SLC5A11: variants seen among roughly 807,000 people sequenced by gnomAD.
SLC5A11 encodes sodium/myo-inositol cotransporter 2.
Under a neutral mutation model 69.8 loss-of-function variants are expected in SLC5A11, and 48 were observed. The ratio of observed to expected loss-of-function variants is 0.69; its 90% CI spans 0.55 to 0.87. The LOEUF (loss-of-function observed/expected upper bound fraction) is 0.87. Among genes scored for constraint, SLC5A11 ranks in the 40% least tolerant of loss-of-function variants. The pLI, the probability that SLC5A11 is intolerant of heterozygous loss-of-function variation, is 0.00. For missense variants in SLC5A11, 784 were observed against 866.1 expected (o/e 0.91, Z 1.19); for synonymous variants, 319 against 342.4 (o/e 0.93, Z 0.75).
chr16:24,891,412 T>C lies in SLC5A11; in HGVS notation c.870+338T>C, dbSNP rs1383536031. Among the ~76,000 whole-genome samples the C allele has an allele frequency of 4.7e-5, 7 of 148,122 alleles. No individual in the cohort carries two copies. The Admixed American group carries it at 4.9e-4, about 10-fold the overall frequency. On this transcript the variant is annotated intron_variant, in intron 9 of 15. Transcript: ENST00000347898. Reference sequence around the variant, plus strand: ...TCACAGCAGCCTTCATCTCCTGGGCTCAAGAGATCCTCCCATGTCAGCCTC... The same window carrying C: ...TCACAGCAGCCTTCATCTCCTGGGCCCAAGAGATCCTCCCATGTCAGCCTC...
chr16:24,849,593 A>AAAAAAAAAAAAAATATATATAT, intron 1 of SLC5A11, among the ~76,000 whole-genome samples: 1 of 35,910 alleles, frequency 2.8e-5, no homozygotes, highest in Non-Finnish European at 5.6e-5. Flanking sequence ...AAAAAAAAAA[A>AAAAAAAAAAAAAATATATATAT]ATATATATAT....
At chr16:24,906,815 G>A in intron 11 of SLC5A11, 51 bp downstream of exon 12, 5 of 1,515,570 alleles carry the variant, frequency 3.3e-6, no homozygotes, top group Non-Finnish European at 4.5e-6. Context: ...CCAGAAAGGA[G>A]ATCACCGGAT....
At chr16:24,891,745 C>T (rs1016860283) in intron 9 of SLC5A11, among the ~76,000 whole-genome samples, 1 of 152,116 alleles carries the variant, frequency 6.6e-6, no homozygotes, top group African/African-American at 2.4e-5. Context: ...GTGTCCTCTA[C>T]GTACCAGGCA....
At chr16:24,906,589 C>G in intron 10 of SLC5A11, 68 bp from the exon 12 acceptor site, 1 of 953,788 alleles carries the variant, frequency 1.0e-6, no homozygotes, top group Non-Finnish European at 1.6e-6. Flanking sequence ...GTGTCCGGCC[C>G]CATGTTGCCT....
At chr16:24,893,147 G>A (rs572171183) in intron 9 of SLC5A11, among the ~76,000 whole-genome samples, 60 of 147,376 alleles carry the variant, frequency 4.1e-4, no homozygotes, top group Non-Finnish European at 6.4e-4. Flanking sequence ...AAAAAGCCAG[G>A]TGTGGTGGCA....
intron 2 of SLC5A11, among the ~76,000 whole-genome samples, chr16:24,859,609 C>T (rs1254533257): frequency 6.8e-6 from 1 of 147,706 alleles, no homozygotes; most frequent in Non-Finnish European, 1.5e-5. Flanking sequence ...CAAATCCAAG[C>T]AAATTTTAAT....
chr16:24,900,029 T>C (rs2049467506), intron 10 of SLC5A11, among the ~76,000 whole-genome samples: 2 of 152,074 alleles, frequency 1.3e-5, no homozygotes, highest in South Asian at 2.1e-4. Flanking sequence ...ACAAATCTCA[T>C]GGGATATCGA....
chr16:24,884,007 C>G, intron 7 of SLC5A11, 44 bp from the exon 9 acceptor site: 3 of 1,587,194 alleles, frequency 1.9e-6, no homozygotes, highest in South Asian at 2.2e-5. Flanking sequence ...GTAACCCCTT[C>G]TCGTTAGACT....
chr16:24,891,310 CT>C (rs11286846), intron 9 of SLC5A11, among the ~76,000 whole-genome samples: 58,816 of 101,876 alleles, frequency 0.58, 15,644 homozygotes, highest in East Asian at 0.68. Context: ...CACACTCTGC[CT>C]TTTTTTTTTT....
intron 2 of SLC5A11, among the ~76,000 whole-genome samples, chr16:24,860,051 A>G (rs990213503): frequency 2.6e-5 from 4 of 151,600 alleles, no homozygotes; most frequent in Admixed American, 1.3e-4. Flanking sequence ...TTTGGGAGGC[A>G]GAGGTGGGCA....
intron 1 of SLC5A11, among the ~76,000 whole-genome samples, chr16:24,848,980 A>G (rs1044988967): frequency 2.6e-5 from 4 of 152,090 alleles, no homozygotes; most frequent in African/African-American, 9.7e-5. Context: ...TGGAATTGGG[A>G]GTGAATAGAT....
At chr16:24,898,999 G>A (rs2049387730) in intron 10 of SLC5A11, among the ~76,000 whole-genome samples, 1 of 151,362 alleles carries the variant, frequency 6.6e-6, no homozygotes, top group African/African-American at 2.4e-5. Context: ...AAAAGTTTTT[G>A]TAAAGACAGG....
chr16:24,858,719 C>G, exon 2 of SLC5A11: 1 of 1,611,854 alleles, frequency 6.2e-7, no homozygotes, highest in East Asian at 2.2e-5. Flanking sequence ...GGGCTTGGAG[C>G]CTGGGGACAT....
intron 10 of SLC5A11, among the ~76,000 whole-genome samples, chr16:24,905,969 G>A (rs1279088238): frequency 2.0e-5 from 3 of 152,160 alleles, no homozygotes; most frequent in Non-Finnish European, 4.4e-5. Flanking sequence ...TTTGTGCTAT[G>A]TTTGGATTTA....
At chr16:24,908,184 C>T (rs1443093013) in intron 13 of SLC5A11, 53 bp downstream of exon 14, 6 of 1,516,264 alleles carry the variant, frequency 4.0e-6, no homozygotes, top group Non-Finnish European at 5.3e-6. Flanking sequence ...CCCTTGAGGA[C>T]TGGGATAGGA....
chr16:24,849,593 A>AAAAAAAAAATATATAT, intron 1 of SLC5A11, among the ~76,000 whole-genome samples: 2 of 35,908 alleles, frequency 5.6e-5, no homozygotes, highest in Admixed American at 3.8e-4. Flanking sequence ...AAAAAAAAAA[A>AAAAAAAAAATATATAT]ATATATATAT....
chr16:24,861,746 A>C (rs1248296507), intron 2 of SLC5A11, among the ~76,000 whole-genome samples: 1 of 142,818 alleles, frequency 7.0e-6, no homozygotes, highest in Non-Finnish European at 1.6e-5. Flanking sequence ...AAAGAAAGAA[A>C]GAAAAAGAAG....
intron 1 of SLC5A11, among the ~76,000 whole-genome samples, chr16:24,851,880 A>G (rs1469097299): frequency 1.3e-5 from 2 of 152,086 alleles, no homozygotes; most frequent in African/African-American, 2.4e-5. Context: ...TTATCACGAC[A>G]TATCTATTTC....
intron 5 of SLC5A11, among the ~76,000 whole-genome samples, chr16:24,874,879 C>G (rs2152314234): frequency 6.6e-6 from 1 of 152,260 alleles, no homozygotes; most frequent in South Asian, 2.1e-4. Context: ...CCGCACCTGG[C>G]CATCTCACTG....
Sources: gnomAD v4.1 joint callset for allele counts (sites outside exome capture counted in the v4.1 genomes callset) on GRCh38, gnomAD v4.1.1 for gene constraint, MANE v1.5 for transcripts, NCBI Gene and HGNC (gene_info 2026-07-23, HGNC 2026-07-21) for gene names.